Variants in ARMC2 observed in about 807,000 individuals in gnomAD.
The protein encoded by ARMC2 is armadillo repeat containing 2.
ARMC2 carries 67 observed loss-of-function variants against 90.3 expected under a neutral mutation model. That is an observed-to-expected ratio of 0.74 (90% CI 0.61 to 0.91). The LOEUF (loss-of-function observed/expected upper bound fraction) is 0.91, where lower values mean the gene tolerates loss of function less well. Among genes scored for constraint, ARMC2 ranks in the 40% least tolerant of loss-of-function variants. The probability of loss-of-function intolerance (pLI) is 0.00; values close to 1 mark genes in which losing one functional copy is unlikely to be tolerated. For missense variants in ARMC2, 920 were observed against 1,030.9 expected (o/e 0.89, Z 1.47); for synonymous variants, 393 against 393.0 (o/e 1.00, Z 0.00).
chr6:109,032,251 A>C, the ARMC2 span, among the ~76,000 whole-genome samples: 1 of 151,036 alleles, frequency 6.6e-6, no homozygotes, highest in African/African-American at 2.4e-5. Flanking sequence ...CAGCCTGGGC[A>C]ACAAGAGCGA....
At chr6:108,879,655 C>T (rs1276168956) in intron 5 of ARMC2, among the ~76,000 whole-genome samples, 2 of 149,378 alleles carry the variant, frequency 1.3e-5, no homozygotes, top group Non-Finnish European at 3.0e-5. Flanking sequence ...ATCTCTTTAC[C>T]TGCTTAAAAA....
chr6:108,948,175 T>C (rs1776937000), intron 12 of ARMC2, among the ~76,000 whole-genome samples: 1 of 152,186 alleles, frequency 6.6e-6, no homozygotes, highest in Admixed American at 6.5e-5. Flanking sequence ...AATCTCTCCA[T>C]GATCCTGCCC....
chr6:109,028,212 TTA>T, the ARMC2 span, among the ~76,000 whole-genome samples: 1 of 152,218 alleles, frequency 6.6e-6, no homozygotes, highest in East Asian at 1.9e-4. Context: ...CATATAAATT[TTA>T]TGATATTTGA....
At position 108,886,248 on chromosome 6, in the gene ARMC2, C is replaced by T. The variant is rs564522523; in HGVS notation, c.672-8219C>T. ...TCTTAATATTTGTTTAGTTATTCCT[C>T]CAAAGTAGGAATAAACAAACTACAG... On this transcript the variant is annotated intron_variant, in intron 5 of 17. Transcript: ENST00000392644. Among the ~76,000 whole-genome samples, 3 of 152,276 alleles carry T rather than the reference C, an allele frequency of 2.0e-5. No homozygotes were observed. The East Asian group carries it at 5.8e-4, about 29-fold the overall frequency.
At chr6:109,025,281 T>C in the ARMC2 span, among the ~76,000 whole-genome samples, 1 of 151,498 alleles carries the variant, frequency 6.6e-6, no homozygotes, top group African/African-American at 2.4e-5. Flanking sequence ...CATAAGGAGG[T>C]GGGGGATGAA....
chr6:109,051,838 G>C, the ARMC2 span, among the ~76,000 whole-genome samples: 39 of 152,330 alleles, frequency 2.6e-4, no homozygotes, highest in African/African-American at 8.7e-4. Flanking sequence ...TTACATGACA[G>C]AAGACAGTCG....
chr6:108,907,111 T>G (rs1772820418), intron 8 of ARMC2, among the ~76,000 whole-genome samples: 1 of 152,222 alleles, frequency 6.6e-6, no homozygotes, highest in South Asian at 2.1e-4. Context: ...ATTGTAGTTG[T>G]CTTTTTTCTT....
At chr6:108,982,674 T>C in the ARMC2 span, among the ~76,000 whole-genome samples, 3 of 152,106 alleles carry the variant, frequency 2.0e-5, no homozygotes, top group African/African-American at 7.2e-5. Context: ...CCCTGATGAG[T>C]GTGAGGTAAT....
intron 10 of ARMC2, among the ~76,000 whole-genome samples, chr6:108,918,019 G>C (rs150112340): frequency 2.0e-5 from 3 of 152,140 alleles, no homozygotes; most frequent in South Asian, 2.1e-4. Context: ...ATGCCAGCAG[G>C]CCTCTCAAGT....
chr6:108,986,411 A>AT, the ARMC2 span: 1 of 152,636 alleles, frequency 6.6e-6, no homozygotes, highest in East Asian at 1.9e-4. Context: ...TGAAGTCATG[A>AT]TTTTTTAAGA....
chr6:109,028,792 T>C, the ARMC2 span, among the ~76,000 whole-genome samples: 5 of 152,064 alleles, frequency 3.3e-5, no homozygotes, highest in Non-Finnish European at 7.4e-5. Context: ...AGCAGTGCAC[T>C]GGAAAAAGAG....
chr6:108,897,385 A>G (rs2128459424), intron 6 of ARMC2, among the ~76,000 whole-genome samples: 1 of 152,338 alleles, frequency 6.6e-6, no homozygotes, highest in Non-Finnish European at 1.5e-5. Context: ...TGTCCTAAAG[A>G]CAATTCAATT....
intron 2 of ARMC2, among the ~76,000 whole-genome samples, chr6:108,857,308 T>A (rs979206893): frequency 6.6e-6 from 1 of 152,202 alleles, no homozygotes; most frequent in Non-Finnish European, 1.5e-5. Flanking sequence ...AACTAAATAT[T>A]TAGTTTTTGG....
the ARMC2 span, chr6:108,994,694 A>G: frequency 1.6e-5 from 9 of 548,530 alleles, no homozygotes; most frequent in African/African-American, 1.0e-4. Context: ...ATAAGAATTT[A>G]TATCTTTTTT....
Position 108,854,304 on chromosome 6 carries a change from G to A in ARMC2, c.37G>A (p.Asp13Asn), listed in dbSNP as rs1390777773. ...SPNDKMLGKL[D>N]PFYQPSVSKQ... ...AAATGATAAAATGTTAGGAAAACTG[G>A]ATCCATTTTATCAACCTTCAGTGTC... Residue 13 changes from aspartate (D) to asparagine (N), a missense_variant, in exon 2 of 18, where the codon GAT (aspartate) becomes AAT (asparagine). By Grantham distance (23) the Asp-to-Asn change is conservative. Coordinates refer to ENST00000392644, the MANE Select transcript of ARMC2 (RefSeq NM_032131.6). 3.1e-6 allele frequency: 5 copies of A among 1,611,722 alleles called. No individual in the cohort carries two copies. Among genetic ancestry groups the A allele is most frequent in the Non-Finnish European group, 4.2e-6 (5 of 1,179,184 alleles).
the ARMC2 span, among the ~76,000 whole-genome samples, chr6:109,046,871 G>GA: frequency 1.1e-3 from 142 of 128,906 alleles, 9 homozygotes; most frequent in Middle Eastern, 0.036. Context: ...GAGAAGTGAG[G>GA]AGCCCCTCCG....
chr6:108,953,038 A>C lies in ARMC2; in HGVS notation c.1602A>C (p.Leu534Phe). Residue 534 changes from leucine (L) to phenylalanine (F), a missense_variant, in exon 13 of 18, where the codon TTA becomes TTC. Coordinates refer to ENST00000392644, the MANE Select transcript of ARMC2 (RefSeq NM_032131.6). Reference sequence around the variant, plus strand: ...CTGTCTTTCGTTTATTGCAGGATTTAGTCGTCCGTGTTGTTTTTATTCTTG... The same window carrying C: ...CTGTCTTTCGTTTATTGCAGGATTTCGTCGTCCGTGTTGTTTTTATTCTTG... ...LINKYQKKQD[L>F]VVRVVFILGN... is the part of the protein sequence containing the mutation. 6.2e-7 allele frequency: 1 copy of C among 1,606,524 alleles called. No individual in the cohort carries two copies. The highest frequency in any genetic ancestry group is 8.5e-7 in the Non-Finnish European group (1 of 1,175,840).
chr6:108,979,849 G>A, the ARMC2 span, among the ~76,000 whole-genome samples: 1 of 151,512 alleles, frequency 6.6e-6, no homozygotes, highest in Admixed American at 6.6e-5. Context: ...CCATCAGGTC[G>A]TTCATGTTCT....
chr6:108,960,691 C>T (rs534223551), intron 13 of ARMC2, among the ~76,000 whole-genome samples: 13 of 152,318 alleles, frequency 8.5e-5, no homozygotes, highest in South Asian at 8.3e-4. Flanking sequence ...AGGGAGGTTA[C>T]GGAAAGTATG....
Sources: allele counts gnomAD v4.1 joint callset (sites outside exome capture counted in the v4.1 genomes callset), GRCh38; gene constraint gnomAD v4.1.1; transcripts MANE v1.5; gene names NCBI Gene and HGNC (gene_info 2026-07-23, HGNC 2026-07-21).